The following NLGN1 variants were observed in gnomAD, a reference collection of about 807,000 sequenced individuals.
The protein encoded by NLGN1 is neuroligin-1.
NLGN1 carries 12 observed loss-of-function variants against 65.5 expected under a neutral mutation model. That is an observed-to-expected ratio of 0.18 (90% CI 0.12 to 0.30). The LOEUF is 0.30. Among genes scored for constraint, NLGN1 ranks in the 10% least tolerant of loss-of-function variants. NLGN1 has a pLI of 1.00. For synonymous variants in NLGN1, 350 were observed against 359.5 expected, an observed-to-expected ratio of 0.97 and a Z score of 0.30; for missense variants, 750 against 1,007.1, an observed-to-expected ratio of 0.74 and a Z score of 3.46.
rs148555648 is a variant in NLGN1 at position 174,098,766 on chromosome 3, A to G, written c.647-176549A>G. The stretch of plus-strand genomic sequence containing the variant: ...CAAATCGATCACACCTTGAGTAACA[A>G]GAGTATAATCGATTAAACTACTAGT... On this transcript the variant is annotated intron_variant, in intron 4 of 6. Transcript: ENST00000457714. Among the ~76,000 whole-genome samples the G allele has an allele frequency of 3.9e-5, 6 of 152,212 alleles. No individual in the cohort carries two copies. The East Asian group carries it at 1.2e-3, about 29-fold the overall frequency.
intron 2 of NLGN1, among the ~76,000 whole-genome samples, chr3:173,547,648 A>G (rs760580031): frequency 4.6e-5 from 7 of 152,098 alleles, no homozygotes; most frequent in Non-Finnish European, 8.8e-5. Flanking sequence ...TTCTCTTCAT[A>G]CTAGGTATTA....
intron 2 of NLGN1, among the ~76,000 whole-genome samples, chr3:173,591,730 A>G (rs1395648556): frequency 2.0e-5 from 3 of 152,110 alleles, no homozygotes; most frequent in East Asian, 3.9e-4. Context: ...AGGAATGGCA[A>G]TTTTCCACTC....
chr3:173,753,278 T>C (rs1288152789), intron 3 of NLGN1, among the ~76,000 whole-genome samples: 1 of 152,150 alleles, frequency 6.6e-6, no homozygotes, highest in Non-Finnish European at 1.5e-5. Context: ...CACTATCTAT[T>C]CTCCAACTCT....
intron 4 of NLGN1, among the ~76,000 whole-genome samples, chr3:173,838,561 T>C (rs1281028099): frequency 6.6e-6 from 1 of 152,276 alleles, no homozygotes; most frequent in East Asian, 1.9e-4. Flanking sequence ...TAATAAGAAC[T>C]GGGGATTTAT....
chr3:174,242,400 A>G (rs1353977589), intron 4 of NLGN1, among the ~76,000 whole-genome samples: 1 of 152,046 alleles, frequency 6.6e-6, no homozygotes, highest in Non-Finnish European at 1.5e-5. Context: ...CACAAAAACA[A>G]AAACAAAAAA....
chr3:174,166,840 C>CT (rs778559698), intron 4 of NLGN1, among the ~76,000 whole-genome samples: 4 of 151,948 alleles, frequency 2.6e-5, no homozygotes, highest in Non-Finnish European at 5.9e-5. Context: ...TCTATAAGTA[C>CT]TTTTTTATGA....
chr3:173,407,508 C>T (rs1206873147), intron 1 of NLGN1, among the ~76,000 whole-genome samples: 1 of 152,024 alleles, frequency 6.6e-6, no homozygotes, highest in Admixed American at 6.6e-5. Flanking sequence ...ATATAAGTTA[C>T]CATGATTACA....
intron 4 of NLGN1, among the ~76,000 whole-genome samples, chr3:174,046,766 A>G (rs1733695128): frequency 6.6e-6 from 1 of 152,116 alleles, no homozygotes; most frequent in African/African-American, 2.4e-5. Flanking sequence ...AGTAATGTAT[A>G]TTTGTGAAGT....
intron 4 of NLGN1, among the ~76,000 whole-genome samples, chr3:174,119,320 A>G (rs996650058): frequency 4.6e-5 from 7 of 152,124 alleles, no homozygotes; most frequent in African/African-American, 7.2e-5. Context: ...ATTTTCTACA[A>G]TTTGTTTCTC....
chr3:173,988,362 A>T (rs1475010957), intron 4 of NLGN1, among the ~76,000 whole-genome samples: 1 of 152,194 alleles, frequency 6.6e-6, no homozygotes, highest in Non-Finnish European at 1.5e-5. Context: ...ATACAAGCTC[A>T]TTCTACCAAA....
At chr3:173,567,073 A>C (rs1345562437) in intron 2 of NLGN1, among the ~76,000 whole-genome samples, 2 of 152,140 alleles carry the variant, frequency 1.3e-5, no homozygotes, top group African/African-American at 4.8e-5. Context: ...AAAAAAGAAT[A>C]GTGCCTATTC....
At chr3:173,661,133 A>G (rs776128457) in intron 3 of NLGN1, among the ~76,000 whole-genome samples, 99 of 152,032 alleles carry the variant, frequency 6.5e-4, no homozygotes, top group Non-Finnish European at 2.4e-4. Flanking sequence ...GAAATGAACT[A>G]ATGAAAGAAA....
chr3:173,946,312 G>A (rs934865188), intron 4 of NLGN1, among the ~76,000 whole-genome samples: 1 of 151,992 alleles, frequency 6.6e-6, no homozygotes, highest in African/African-American at 2.4e-5. Context: ...ATTTGTGTTT[G>A]GTTGTGTGTG....
chr3:174,029,273 C>T (rs2152470230), intron 4 of NLGN1, among the ~76,000 whole-genome samples: 1 of 152,304 alleles, frequency 6.6e-6, no homozygotes, highest in South Asian at 2.1e-4. Flanking sequence ...GTGGAGCTGT[C>T]CAAGGCCATG....
At chr3:173,594,416 C>T (rs1262876442) in intron 2 of NLGN1, among the ~76,000 whole-genome samples, 4 of 152,242 alleles carry the variant, frequency 2.6e-5, no homozygotes, top group African/African-American at 7.2e-5. Flanking sequence ...CCAGGTCTCA[C>T]ATCCAGGTCA....
At chr3:173,823,559 G>A (rs1326877868) in intron 4 of NLGN1, among the ~76,000 whole-genome samples, 1 of 151,906 alleles carries the variant, frequency 6.6e-6, no homozygotes, top group East Asian at 1.9e-4. Flanking sequence ...CAATACAGTT[G>A]TGCATAACAG....
intron 3 of NLGN1, chr3:173,695,538 A>C (rs981094273): frequency 2.9e-6 from 1 of 350,794 alleles, no homozygotes; most frequent in African/African-American, 2.2e-5. Flanking sequence ...CAAATTTTTT[A>C]TCTTACTATT....
At chr3:174,082,480 T>A (rs1036869662) in intron 4 of NLGN1, among the ~76,000 whole-genome samples, 1 of 151,974 alleles carries the variant, frequency 6.6e-6, no homozygotes, top group Non-Finnish European at 1.5e-5. Flanking sequence ...ATGCAAGCAA[T>A]TGGCAGCATG....
At position 174,096,353 on chromosome 3, in the gene NLGN1, C is replaced by T. The variant is rs1455234223; in HGVS notation, c.647-178962C>T. On this transcript the variant is annotated intron_variant, in intron 4 of 6. Transcript: ENST00000457714. The stretch of plus-strand genomic sequence containing the variant: ...GACCCATGAAGGGTTCTCCGCAGAA[C>T]ATGGGTTGATTTAGTTAAGTACAAA... Among the ~76,000 whole-genome samples the T allele has an allele frequency of 4.0e-5, 6 of 151,822 alleles. No homozygotes were observed. The East Asian group carries it at 9.6e-4, about 24-fold the overall frequency.
Sources: gnomAD v4.1 joint callset for allele counts (sites outside exome capture counted in the v4.1 genomes callset) on GRCh38, gnomAD v4.1.1 for gene constraint, MANE v1.5 for transcripts, NCBI Gene and HGNC (gene_info 2026-07-23, HGNC 2026-07-21) for gene names.